TNR: variants seen among roughly 807,000 people sequenced by gnomAD.
TNR encodes tenascin-R.
Under a neutral mutation model 150.4 loss-of-function variants are expected in TNR, and 45 were observed. That is an observed-to-expected ratio of 0.30 (90% CI 0.24 to 0.38). The LOEUF (loss-of-function observed/expected upper bound fraction) is 0.38, where lower values mean the gene tolerates loss of function less well. TNR is among the 10% of genes least tolerant of loss of function. The pLI, the probability that TNR is intolerant of heterozygous loss-of-function variation, is 1.00. For missense variants in TNR, 1,544 were observed against 1,759.1 expected, an observed-to-expected ratio of 0.88 and a Z score of 2.19; for synonymous variants, 687 against 678.4, an observed-to-expected ratio of 1.01 and a Z score of -0.20.
intron 1 of TNR, among the ~76,000 whole-genome samples, chr1:175,547,605 G>GAAAGAAAC (rs777097355): frequency 1.8e-4 from 4 of 21,658 alleles, no homozygotes; most frequent in Non-Finnish European, 3.4e-4. Context: ...AAGAAAGAAA[G>GAAAGAAAC]AAAGAAACAA....
At chr1:175,439,851 T>C (rs1023727243) in intron 2 of TNR, among the ~76,000 whole-genome samples, 3 of 152,164 alleles carry the variant, frequency 2.0e-5, no homozygotes, top group African/African-American at 4.8e-5. Context: ...GTTAGAATGG[T>C]GATCATTAAA....
chr1:175,589,778 A>G (rs147009952), intron 1 of TNR, among the ~76,000 whole-genome samples: 1 of 152,130 alleles, frequency 6.6e-6, no homozygotes. Context: ...GTTCTCACTC[A>G]TAAGCGGGAG....
intron 1 of TNR, among the ~76,000 whole-genome samples, chr1:175,547,065 G>C (rs4650924): frequency 0.68 from 103,795 of 152,114 alleles, 35,668 homozygotes; most frequent in Admixed American, 0.76. Context: ...CATTTAGGAG[G>C]TACCACTATC....
chr1:175,418,170 G>A (rs1346807018), intron 2 of TNR, among the ~76,000 whole-genome samples: 2 of 152,214 alleles, frequency 1.3e-5, no homozygotes, highest in Admixed American at 6.5e-5. Flanking sequence ...ACAGGACTAG[G>A]TTCCATTCTA....
rs868269146 is a variant in TNR, at chr1:175,501,514, G to A, written c.-64+26755C>T. On this transcript the variant is annotated intron_variant, in intron 2 of 22. Coordinates refer to ENST00000367674, the MANE Select transcript of TNR (RefSeq NM_003285.3). ...ATTGATTGCAGCCTTGTGAGGCCTG[G>A]GCAGAGGACCCAGCTATGTCATGCC... 1.4e-4 allele frequency among the ~76,000 whole-genome samples: 22 copies of A among 152,266 alleles called. No individual in the cohort carries two copies. In the South Asian group the frequency reaches 1.5e-3, roughly 10 times the overall value.
chr1:175,393,835 T>C lies in TNR; in HGVS notation c.1301A>G (p.Gln434Arg), dbSNP rs1402664386. ...GAAGGAAAATGAGAAGGGCTCCCACTGCACCTCCACGGTGGTCTCTGTGAT... is the reference window on the plus strand; with the variant it reads ...GAAGGAAAATGAGAAGGGCTCCCACCGCACCTCCACGGTGGTCTCTGTGAT... ...KTITETTVEV[Q>R]WEPFSFSFDG... The change falls in exon 6 of 23, where the codon CAG (glutamine) becomes CGG (arginine). Residue 434 changes from glutamine (Q) to arginine (R), a missense_variant. Coordinates refer to ENST00000367674, the MANE Select transcript of TNR (RefSeq NM_003285.3). 1 of 1,614,218 alleles carries C rather than the reference T, an allele frequency of 6.2e-7. No individual in the cohort carries two copies. The highest frequency in any genetic ancestry group is 1.1e-5 in the South Asian group (1 of 91,080).
At chr1:175,725,613 T>A (rs1289231662) in intron 1 of TNR, among the ~76,000 whole-genome samples, 1 of 152,064 alleles carries the variant, frequency 6.6e-6, no homozygotes, top group African/African-American at 2.4e-5. Flanking sequence ...AGGATCACAA[T>A]TTGGGGAAAA....
chr1:175,392,315 G>T (rs541581199), intron 6 of TNR, among the ~76,000 whole-genome samples: 1 of 152,126 alleles, frequency 6.6e-6, no homozygotes, highest in Non-Finnish European at 1.5e-5. Flanking sequence ...TCTATTTATG[G>T]TACCCAGGGT....
At chr1:175,727,779 GACA>G (rs1291269576) in intron 1 of TNR, among the ~76,000 whole-genome samples, 5 of 152,134 alleles carry the variant, frequency 3.3e-5, no homozygotes, top group Non-Finnish European at 7.4e-5. Flanking sequence ...TGGGCACAGG[GACA>G]ACAAGAGGTA....
intron 2 of TNR, among the ~76,000 whole-genome samples, chr1:175,496,398 TCCATGAAATAAGTAAAAATTAAAG>T (rs1271273267): frequency 6.6e-6 from 1 of 152,270 alleles, no homozygotes; most frequent in East Asian, 1.9e-4. Flanking sequence ...GGCTCCTTAT[TCCATGAAATAAGTAAAAATTAAAG>T]TGCTGGCTGG....
At chr1:175,361,651 A>C (rs1232546353) in intron 14 of TNR, among the ~76,000 whole-genome samples, 1 of 152,212 alleles carries the variant, frequency 6.6e-6, no homozygotes, top group Non-Finnish European at 1.5e-5. Flanking sequence ...TATTTCCCTC[A>C]TTTGGGAAAT....
intron 1 of TNR, among the ~76,000 whole-genome samples, chr1:175,574,543 G>C (rs1045402307): frequency 6.6e-6 from 1 of 152,058 alleles, no homozygotes; most frequent in Non-Finnish European, 1.5e-5. Flanking sequence ...ATAAGATATG[G>C]CGCTATCTTC....
chr1:175,714,623 C>T (rs1399106237), intron 1 of TNR, among the ~76,000 whole-genome samples: 2 of 152,180 alleles, frequency 1.3e-5, no homozygotes, highest in Non-Finnish European at 2.9e-5. Flanking sequence ...AAAGACCTTC[C>T]TGGGATTGTT....
At chr1:175,363,418 G>A (rs940336560) in intron 13 of TNR, among the ~76,000 whole-genome samples, 19 of 152,202 alleles carry the variant, frequency 1.2e-4, no homozygotes, top group African/African-American at 4.6e-4. Flanking sequence ...GCTCTTGGCA[G>A]ATTCTTTTGG....
At chr1:175,548,075 A>G (rs890897420) in intron 1 of TNR, among the ~76,000 whole-genome samples, 2 of 152,222 alleles carry the variant, frequency 1.3e-5, no homozygotes, top group Admixed American at 1.3e-4. Context: ...CATCCAGGCG[A>G]GACAACAGCT....
intron 2 of TNR, among the ~76,000 whole-genome samples, chr1:175,526,072 G>T (rs921311291): frequency 2.0e-5 from 3 of 151,856 alleles, no homozygotes; most frequent in African/African-American, 7.3e-5. Context: ...CTGACGGAAG[G>T]GTATTAAGTT....
intron 2 of TNR, among the ~76,000 whole-genome samples, chr1:175,478,624 C>A (rs1657650474): frequency 6.6e-6 from 1 of 151,704 alleles, no homozygotes; most frequent in Non-Finnish European, 1.5e-5. Context: ...AAAAAAAAAT[C>A]CACTAGCTGC....
chr1:175,532,807 C>T (rs1660125254), intron 1 of TNR, among the ~76,000 whole-genome samples: 1 of 152,112 alleles, frequency 6.6e-6, no homozygotes, highest in Admixed American at 6.6e-5. Context: ...CTCAGCTTCT[C>T]CCCATGTGGG....
At chr1:175,381,003 T>C (rs1557897488) in intron 8 of TNR, among the ~76,000 whole-genome samples, 1 of 152,262 alleles carries the variant, frequency 6.6e-6, no homozygotes, top group African/African-American at 2.4e-5. Flanking sequence ...GTGTTCTGTT[T>C]AGCGATGTAA....
Sources: gnomAD v4.1 joint callset for allele counts (sites outside exome capture counted in the v4.1 genomes callset) on GRCh38, gnomAD v4.1.1 for gene constraint, MANE v1.5 for transcripts, NCBI Gene and HGNC (gene_info 2026-07-23, HGNC 2026-07-21) for gene names.